The following FRMD6 variants were observed in gnomAD, a reference collection of about 807,000 sequenced individuals.
FRMD6 encodes FERM domain-containing protein 6.
A neutral mutation model predicts 73.2 loss-of-function variants in FRMD6; 37 were observed. The ratio of observed to expected loss-of-function variants is 0.51; its 90% CI spans 0.39 to 0.66. The LOEUF (loss-of-function observed/expected upper bound fraction) is 0.66. FRMD6 is among the 30% of genes least tolerant of loss of function. The pLI is 0.00. For missense variants in FRMD6, 714 were observed against 780.5 expected, an observed-to-expected ratio of 0.91 and a Z score of 1.02; for synonymous variants, 273 against 282.2, an observed-to-expected ratio of 0.97 and a Z score of 0.33.
chr14:51,718,456 A>G (rs1362141952), intron 10 of FRMD6, among the ~76,000 whole-genome samples: 2 of 152,274 alleles, frequency 1.3e-5, no homozygotes, highest in Admixed American at 6.5e-5. Flanking sequence ...AACTCCAACA[A>G]CTTAGAGACT....
intron 1 of FRMD6, among the ~76,000 whole-genome samples, chr14:51,675,060 T>C (rs1894289712): frequency 6.6e-6 from 1 of 152,158 alleles, no homozygotes; most frequent in Non-Finnish European, 1.5e-5. Context: ...TGAATTGGCA[T>C]ATGGGAAATA....
the FRMD6 span, among the ~76,000 whole-genome samples, chr14:51,416,829 G>T: frequency 1.3e-5 from 2 of 152,040 alleles, no homozygotes; most frequent in African/African-American, 2.4e-5. Flanking sequence ...TTATGAATCT[G>T]GGTGCTCCTG....
the FRMD6 span, among the ~76,000 whole-genome samples, chr14:51,446,177 T>G: frequency 6.6e-6 from 1 of 152,136 alleles, no homozygotes; most frequent in African/African-American, 2.4e-5. Context: ...CTTAAGAAGT[T>G]TACATTTTCT....
chr14:51,497,537 T>C (rs1014804596), intron 1 of FRMD6, among the ~76,000 whole-genome samples: 2 of 152,192 alleles, frequency 1.3e-5, no homozygotes, highest in Non-Finnish European at 1.5e-5. Context: ...AAGCCACATG[T>C]GTGAGTCATA....
chr14:51,418,727 G>A, the FRMD6 span, among the ~76,000 whole-genome samples: 1 of 152,230 alleles, frequency 6.6e-6, no homozygotes, highest in Non-Finnish European at 1.5e-5. Context: ...AGACAGGGAC[G>A]TTTAAGTCTG....
the FRMD6 span, among the ~76,000 whole-genome samples, chr14:51,480,779 G>C: frequency 6.6e-6 from 1 of 152,152 alleles, no homozygotes; most frequent in Non-Finnish European, 1.5e-5. Flanking sequence ...TGAGGCTTAA[G>C]TGAGCTACTA....
At chr14:51,553,686 T>A (rs1371658419) in intron 1 of FRMD6, among the ~76,000 whole-genome samples, 2 of 152,156 alleles carry the variant, frequency 1.3e-5, no homozygotes, top group Non-Finnish European at 2.9e-5. Context: ...TACCTACTGA[T>A]CAGTTCTAAG....
the FRMD6 span, among the ~76,000 whole-genome samples, chr14:51,398,060 C>G: frequency 1.3e-5 from 2 of 152,004 alleles, no homozygotes; most frequent in Admixed American, 1.3e-4. Context: ...TTTTTGGTCT[C>G]TAGAACCAAA....
chr14:51,673,414 A>G (rs1894162162), intron 1 of FRMD6, among the ~76,000 whole-genome samples: 1 of 151,868 alleles, frequency 6.6e-6, no homozygotes. Context: ...CTGCCTCCCA[A>G]ACTTTTCTCT....
intron 1 of FRMD6, among the ~76,000 whole-genome samples, chr14:51,507,902 A>G (rs1245260716): frequency 3.0e-4 from 46 of 151,832 alleles, no homozygotes; most frequent in Admixed American, 3.0e-3. Flanking sequence ...AAGTCAGGAG[A>G]CCCTATTTTC....
At chr14:51,483,128 CAATTTT>C in the FRMD6 span, among the ~76,000 whole-genome samples, 2 of 152,166 alleles carry the variant, frequency 1.3e-5, no homozygotes, top group Non-Finnish European at 2.9e-5. Context: ...AGTAACAGTT[CAATTTT>C]ATGAAGTGTT....
At chr14:51,420,332 A>G in the FRMD6 span, among the ~76,000 whole-genome samples, 2 of 152,184 alleles carry the variant, frequency 1.3e-5, no homozygotes, top group Admixed American at 6.5e-5. Flanking sequence ...ACTAAAACAT[A>G]CAGTACTGTC....
intron 1 of FRMD6, among the ~76,000 whole-genome samples, chr14:51,679,435 C>T (rs1894642428): frequency 6.6e-6 from 1 of 150,734 alleles, no homozygotes. Flanking sequence ...ACAGAGAGAG[C>T]AAATAATTTT....
intron 1 of FRMD6, among the ~76,000 whole-genome samples, chr14:51,501,816 G>T (rs1477278350): frequency 2.0e-5 from 3 of 152,142 alleles, no homozygotes; most frequent in Non-Finnish European, 2.9e-5. Flanking sequence ...TTCCACAATG[G>T]TTGAACTAAT....
the FRMD6 span, among the ~76,000 whole-genome samples, chr14:51,419,250 G>T: frequency 6.6e-6 from 1 of 152,208 alleles, no homozygotes; most frequent in African/African-American, 2.4e-5. Context: ...CAAATCACCA[G>T]TCTTCTGTGT....
At chr14:51,422,462 C>G in the FRMD6 span, among the ~76,000 whole-genome samples, 13,286 of 151,760 alleles carry the variant, frequency 0.088, 764 homozygotes, top group Non-Finnish European at 0.13. Flanking sequence ...ACCAATAAAT[C>G]AATACAATAT....
chr14:51,483,330 T>C, the FRMD6 span, among the ~76,000 whole-genome samples: 1,220 of 152,304 alleles, frequency 8.0e-3, 15 homozygotes, highest in African/African-American at 0.027. Flanking sequence ...AGACCAGCAG[T>C]ACACACATAT....
At chr14:51,686,577 G>C (rs1594732127) in intron 1 of FRMD6, among the ~76,000 whole-genome samples, 1 of 152,110 alleles carries the variant, frequency 6.6e-6, no homozygotes, top group Non-Finnish European at 1.5e-5. Flanking sequence ...AATAAATAAA[G>C]AGGCTGGGTG....
chr14:51,683,485 C>T lies in FRMD6; in HGVS notation c.-146-6206C>T, dbSNP rs1001625978. Among the ~76,000 whole-genome samples the T allele has an allele frequency of 2.6e-5, 4 of 151,792 alleles. No individual in the cohort carries two copies. In the East Asian group the frequency reaches 5.8e-4, roughly 22 times the overall value. On this transcript the variant is annotated intron_variant, in intron 1 of 13. Coordinates refer to ENST00000344768, the MANE Select transcript of FRMD6 (RefSeq NM_001267046.2). The stretch of plus-strand genomic sequence containing the variant: ...AACTTTTTTAGTAGAAATGGGGTCT[C>T]GCTGTGTTTCCCAGACTGGTCTCCA...
Sources: allele counts gnomAD v4.1 joint callset (sites outside exome capture counted in the v4.1 genomes callset), GRCh38; gene constraint gnomAD v4.1.1; transcripts MANE v1.5; gene names NCBI Gene and HGNC (gene_info 2026-07-23, HGNC 2026-07-21).